DBF4B: variants seen among roughly 807,000 people sequenced by gnomAD.
DBF4B encodes DBF4B-CDC7 kinase regulatory subunit, also known as protein DBF4 homolog B.
Under a neutral mutation model 53.4 loss-of-function variants are expected in DBF4B, and 49 were observed. That is an observed-to-expected ratio of 0.92 (90% CI 0.73 to 1.16). The LOEUF (loss-of-function observed/expected upper bound fraction) is 1.16. Ranked by LOEUF, DBF4B falls within the 50% of genes most tolerant of loss-of-function variation. The pLI is 0.00. For synonymous variants in DBF4B, 257 were observed against 288.7 expected, an observed-to-expected ratio of 0.89 and a Z score of 1.11; for missense variants, 692 against 775.0, an observed-to-expected ratio of 0.89 and a Z score of 1.27.
chr17:44,747,532 C>A lies in DBF4B; in HGVS notation c.1064+17C>A. 6.2e-7 allele frequency: 1 copy of A among 1,612,846 alleles called. No homozygotes were observed. Among genetic ancestry groups the A allele is most frequent in the African/African-American group, 1.3e-5 (1 of 75,064 alleles). Reference sequence around the variant, plus strand: ...CCTCCCCAGGTGAGTGCCACGCTGGCAGGCACAACTGTGTCTGCTCTCTCC... The same window carrying A: ...CCTCCCCAGGTGAGTGCCACGCTGGAAGGCACAACTGTGTCTGCTCTCTCC... On this transcript the variant is annotated intron_variant, in intron 12 of 13. Coordinates refer to ENST00000315005, the MANE Select transcript of DBF4B (RefSeq NM_145663.3).
chr17:44,715,694 C>T (rs1313872594), intron 2 of DBF4B, among the ~76,000 whole-genome samples: 4 of 151,412 alleles, frequency 2.6e-5, no homozygotes, highest in Admixed American at 1.3e-4. Flanking sequence ...TATTCCCTTT[C>T]CTCTCCCTGG....
intron 1 of DBF4B, 85 bp from the exon 2 acceptor site, chr17:44,709,219 G>T (rs542692810): frequency 1.3e-6 from 2 of 1,564,288 alleles, no homozygotes; most frequent in Admixed American, 3.4e-5. Context: ...TTCTGTGCGC[G>T]TTTTGGGAGA....
At position 44,738,488 on chromosome 17, in the gene DBF4B, G is replaced by A. The variant is rs1598837631; in HGVS notation, c.713+64G>A. 8 of 1,528,172 alleles carry A rather than the reference G, an allele frequency of 5.2e-6. No homozygotes were observed. The East Asian group carries it at 1.8e-4, about 35-fold the overall frequency. 94.7% of individuals were successfully genotyped at this position (1,528,172 alleles called of 1,614,324 possible). On this transcript the variant is annotated intron_variant, in intron 9 of 13. Transcript: ENST00000315005. ...CCTGCACAGAGGAGGGAGGAGGGAG[G>A]GGTGCTCAGGGGCCTCAAGCTAATG... is the stretch of plus-strand genomic sequence containing the variant.
At position 44,750,584 on chromosome 17, in the gene DBF4B, C is replaced by A. The variant is rs768510457; in HGVS notation, c.1190-11C>A. The A allele has an allele frequency of 8.8e-6, 14 of 1,592,274 alleles. No homozygotes were observed. The South Asian group carries it at 1.5e-4, about 17-fold the overall frequency. On this transcript the variant is annotated splice_polypyrimidine_tract_variant and intron_variant, in intron 13 of 13. Coordinates refer to ENST00000315005, the MANE Select transcript of DBF4B (RefSeq NM_145663.3). ...GGAATGCCATATGTCGGTCCTTGAT[C>A]TGCCCTCCAGTGACCCAAGGCAGGG...
intron 5 of DBF4B, chr17:44,731,277 G>A (rs562291915): frequency 1.6e-5 from 7 of 428,124 alleles, no homozygotes; most frequent in Admixed American, 3.5e-5. Context: ...GGGATGTGGC[G>A]GGACAGGGTT....
intron 2 of DBF4B, 88 bp from the exon 3 acceptor site, chr17:44,722,774 TAGTCTGTGCTATTATAGC>T (rs3833142): frequency 1.6e-6 from 2 of 1,267,828 alleles, no homozygotes; most frequent in East Asian, 4.7e-5. Flanking sequence ...GCCCAGGGTC[TAGTCTGTGCTATTATAGC>T]ACACAGACTG....
intron 2 of DBF4B, among the ~76,000 whole-genome samples, chr17:44,716,393 C>G (rs1448691139): frequency 6.6e-6 from 1 of 152,102 alleles, no homozygotes; most frequent in Non-Finnish European, 1.5e-5. Flanking sequence ...GGCAACAGAT[C>G]TGTAGGTCTT....
intron 3 of DBF4B, 69 bp from the exon 4 acceptor site, chr17:44,729,836 C>T: frequency 6.5e-7 from 1 of 1,540,036 alleles, no homozygotes; most frequent in Non-Finnish European, 8.8e-7. Context: ...TTTCCTTCTC[C>T]AGCCTCTTTA....
chr17:44,751,688 T>C lies in DBF4B; in HGVS notation c.*435T>C. 1.4e-6 allele frequency: 2 copies of C among 1,423,194 alleles called. No individual in the cohort carries two copies. The highest frequency in any genetic ancestry group is 2.6e-5 in the East Asian group (1 of 38,650). 88.2% of individuals were successfully genotyped at this position (1,423,194 alleles called of 1,614,324 possible). On this transcript the variant is annotated 3_prime_UTR_variant, in exon 14 of 14. Transcript: ENST00000315005. The stretch of plus-strand genomic sequence containing the variant: ...TGTTCTCTGGCTCCTTCCTGCGGTC[T>C]ATACCTACCGCCTCCTCTTCACCTC...
chr17:44,731,085 G>C, intron 5 of DBF4B, 70 bp downstream of exon 5: 1 of 1,584,050 alleles, frequency 6.3e-7, no homozygotes, highest in Non-Finnish European at 8.7e-7. Flanking sequence ...CTTCTTCCCA[G>C]GTTCTTCTGA....
chr17:44,735,233 A>G (rs1272942609), intron 7 of DBF4B, among the ~76,000 whole-genome samples: 1 of 152,238 alleles, frequency 6.6e-6, no homozygotes, highest in Non-Finnish European at 1.5e-5. Flanking sequence ...TACAACAAAA[A>G]TTCTCGCCCT....
At chr17:44,719,846 T>C in intron 2 of DBF4B, 1 of 227,586 alleles carries the variant, frequency 4.4e-6, no homozygotes, top group Non-Finnish European at 9.3e-6. Flanking sequence ...AAGCTTTGAT[T>C]TTTTTCTAAA....
chr17:44,709,085 G>A (rs1442741376), intron 1 of DBF4B: 8 of 799,162 alleles, frequency 1.0e-5, no homozygotes, highest in African/African-American at 1.7e-5. Context: ...GTGGCCAAGA[G>A]GTCACGGCCG....
At chr17:44,713,034 CTTTT>C (rs979925867) in intron 2 of DBF4B, among the ~76,000 whole-genome samples, 128 of 103,874 alleles carry the variant, frequency 1.2e-3, no homozygotes, top group South Asian at 4.4e-3. Flanking sequence ...TTTGTATTGA[CTTTT>C]TTTTTTTTTT....
chr17:44,749,353 C>T lies in DBF4B; in HGVS notation c.1189+888C>T, dbSNP rs905465170. 1.6e-6 allele frequency: 2 copies of T among 1,289,674 alleles called. No individual in the cohort carries two copies. The highest frequency in any genetic ancestry group is 2.0e-6 in the Non-Finnish European group (2 of 988,872). The allele number at this position is 1,289,674 out of a possible 1,614,324, so 79.9% of individuals were successfully genotyped here. A position where few individuals can be genotyped will look rare whatever the true frequency, so the allele number is the denominator to read the frequency against. On this transcript the variant is annotated intron_variant, in intron 13 of 13. Coordinates refer to ENST00000315005, the MANE Select transcript of DBF4B (RefSeq NM_145663.3). This position sits in a 1 kb window ranked among gnomAD's most constrained non-coding sequence, Gnocchi z 4.4. ...TGGCTCTTCACAGGGCCAGGCAGCT[C>T]CAGATTGAAGGGCCACAGATACAAC...
intron 6 of DBF4B, 51 bp from the exon 7 acceptor site, chr17:44,734,039 G>A: frequency 6.7e-7 from 1 of 1,499,558 alleles, no homozygotes; most frequent in Non-Finnish European, 9.3e-7. Context: ...GGCTGTGCTA[G>A]GTAAGTGAAG....
rs2049262809 is a variant in DBF4B, at chr17:44,750,820, ACATGCCC to A, written c.1417_1423del (p.Met473SerfsTer42). On this transcript the variant is annotated frameshift_variant, in exon 14 of 14. Coordinates refer to ENST00000315005, the MANE Select transcript of DBF4B (RefSeq NM_145663.3). LOFTEE classifies it low-confidence loss of function (END_TRUNC). ...CCTGGGGAGTGGTCGCCTGCAGAGG[ACATGCCC>A]CTCCATCCCTCCCAAGAAAACTCCT... 6.2e-7 allele frequency: 1 copy of A among 1,614,030 alleles called. No homozygotes were observed. The highest frequency in any genetic ancestry group is 1.1e-5 in the South Asian group (1 of 91,078).
At chr17:44,721,488 G>A (rs544389863) in intron 2 of DBF4B, among the ~76,000 whole-genome samples, 1 of 152,104 alleles carries the variant, frequency 6.6e-6, no homozygotes, top group African/African-American at 2.4e-5. Context: ...CAGAGTGCTG[G>A]GATTACAGGT....
intron 2 of DBF4B, chr17:44,720,475 CT>C: frequency 4.4e-6 from 1 of 225,778 alleles, no homozygotes; most frequent in Non-Finnish European, 9.0e-6. Flanking sequence ...TGCAATGGGG[CT>C]TCCCTGTCTT....
Sources: allele counts gnomAD v4.1 joint callset (sites outside exome capture counted in the v4.1 genomes callset), GRCh38; gene constraint gnomAD v4.1.1; non-coding constraint Gnocchi (gnomAD v3.1); transcripts MANE v1.5; gene names NCBI Gene and HGNC (gene_info 2026-07-23, HGNC 2026-07-21).